CFAP95: variants seen among roughly 807,000 people sequenced by gnomAD.
CFAP95 encodes cilia- and flagella-associated protein 95.
the CFAP95 span, chr9:69,886,890 C>T: frequency 6.2e-7 from 1 of 1,611,536 alleles, no homozygotes. Context: ...TGATTATCAG[C>T]CACATGTGAG....
At chr9:69,828,122 G>A in the CFAP95 span, among the ~76,000 whole-genome samples, 2 of 152,142 alleles carry the variant, frequency 1.3e-5, no homozygotes, top group African/African-American at 4.8e-5. Context: ...TCTCAACAAT[G>A]CCTGACTTTC....
chr9:69,821,014 G>A, the CFAP95 span: 1 of 1,613,636 alleles, frequency 6.2e-7, no homozygotes, highest in Non-Finnish European at 8.5e-7. Context: ...ACTCGAAGCC[G>A]GTGTTGGTGT....
chr9:69,880,386 C>T, the CFAP95 span, among the ~76,000 whole-genome samples: 1 of 152,118 alleles, frequency 6.6e-6, no homozygotes, highest in Non-Finnish European at 1.5e-5. Context: ...GTAGATCCCT[C>T]AAACACGGTG....
chr9:69,844,887 C>A, the CFAP95 span, among the ~76,000 whole-genome samples: 1 of 152,160 alleles, frequency 6.6e-6, no homozygotes, highest in Non-Finnish European at 1.5e-5. Flanking sequence ...GGAAATTGTT[C>A]CTGTTGCTAT....
the CFAP95 span, among the ~76,000 whole-genome samples, chr9:69,849,068 TATC>T: frequency 6.6e-6 from 1 of 152,178 alleles, no homozygotes; most frequent in African/African-American, 2.4e-5. Flanking sequence ...AGTCCATTCT[TATC>T]ATATCTCTCT....
At chr9:69,891,018 C>T in the CFAP95 span, among the ~76,000 whole-genome samples, 1 of 152,176 alleles carries the variant, frequency 6.6e-6, no homozygotes, top group Admixed American at 6.5e-5. Context: ...TTAAAGATAC[C>T]TTCTCTTGAA....
the CFAP95 span, among the ~76,000 whole-genome samples, chr9:69,854,280 G>A: frequency 1.3e-5 from 2 of 152,184 alleles, no homozygotes; most frequent in African/African-American, 4.8e-5. Flanking sequence ...GTTGTCACAA[G>A]CATTTAATGT....
the CFAP95 span, among the ~76,000 whole-genome samples, chr9:69,905,612 A>G: frequency 6.6e-6 from 1 of 151,074 alleles, no homozygotes; most frequent in East Asian, 1.9e-4. Context: ...AAGGTGTTGA[A>G]TTGTAATTAA....
the CFAP95 span, among the ~76,000 whole-genome samples, chr9:69,877,934 A>G: frequency 6.6e-6 from 1 of 152,264 alleles, no homozygotes; most frequent in East Asian, 1.9e-4. Flanking sequence ...TTCTTCTCAT[A>G]GTAATGTTGC....
the CFAP95 span, chr9:69,886,769 T>C: frequency 2.6e-6 from 3 of 1,138,600 alleles, no homozygotes; most frequent in Non-Finnish European, 3.9e-6. Flanking sequence ...GTAAAGTGTA[T>C]ACCAATAAAA....
the CFAP95 span, among the ~76,000 whole-genome samples, chr9:69,895,019 G>A: frequency 9.9e-5 from 15 of 151,954 alleles, no homozygotes; most frequent in South Asian, 4.2e-4. Context: ...AAAAAGACTA[G>A]GGTTAGACAG....
At chr9:69,844,693 G>C in the CFAP95 span, 3 of 1,182,428 alleles carry the variant, frequency 2.5e-6, no homozygotes, top group Admixed American at 3.9e-5. Context: ...AAAAGGTAAA[G>C]GGAGGAGTGT....
the CFAP95 span, chr9:69,906,190 G>A: frequency 7.2e-7 from 1 of 1,394,508 alleles, no homozygotes; most frequent in Non-Finnish European, 9.7e-7. Flanking sequence ...TGTAGCAGTT[G>A]ATGATTTTCT....
chr9:69,832,747 A>C, the CFAP95 span, among the ~76,000 whole-genome samples: 14 of 143,084 alleles, frequency 9.8e-5, no homozygotes, highest in Middle Eastern at 3.8e-3. Flanking sequence ...CAAAACGTGC[A>C]GGTTTGTTAC....
At chr9:69,878,645 G>T in the CFAP95 span, among the ~76,000 whole-genome samples, 1 of 152,170 alleles carries the variant, frequency 6.6e-6, no homozygotes, top group Non-Finnish European at 1.5e-5. Context: ...GAACCAAAGG[G>T]TTGAGAAATG....
the CFAP95 span, among the ~76,000 whole-genome samples, chr9:69,871,778 G>C: frequency 6.6e-6 from 1 of 152,094 alleles, no homozygotes; most frequent in African/African-American, 2.4e-5. Flanking sequence ...AGAGATTACT[G>C]ATCTGTCCCA....
At chr9:69,858,391 T>C in the CFAP95 span, among the ~76,000 whole-genome samples, 1 of 152,312 alleles carries the variant, frequency 6.6e-6, no homozygotes, top group East Asian at 1.9e-4. Flanking sequence ...CATAAACGTG[T>C]TCTTTTCACA....
the CFAP95 span, among the ~76,000 whole-genome samples, chr9:69,904,897 G>A: frequency 1.3e-5 from 2 of 152,192 alleles, no homozygotes; most frequent in Non-Finnish European, 2.9e-5. Flanking sequence ...TAAAGGTTTT[G>A]TTAGGGTTCT....
the CFAP95 span, among the ~76,000 whole-genome samples, chr9:69,899,729 G>A: frequency 6.6e-6 from 1 of 152,142 alleles, no homozygotes. Flanking sequence ...GAAATTTTGG[G>A]ACATGCTAGG....
Sources: gnomAD v4.1 joint callset for allele counts (sites outside exome capture counted in the v4.1 genomes callset) on GRCh38, gnomAD v4.1.1 for gene constraint, MANE v1.5 for transcripts, NCBI Gene and HGNC (gene_info 2026-07-23, HGNC 2026-07-21) for gene names.